FOXN2: variants seen among roughly 807,000 people sequenced by gnomAD.
The protein encoded by FOXN2 is forkhead box N2, also known as forkhead box protein N2.
In FOXN2, 19 loss-of-function variants were observed where a neutral mutation model predicts 41.2. That is an observed-to-expected ratio of 0.46 (90% CI 0.32 to 0.68). FOXN2 has a LOEUF of 0.68. Among genes scored for constraint, FOXN2 ranks in the 30% least tolerant of loss-of-function variants. FOXN2 has a pLI of 0.03. For synonymous variants in FOXN2, 195 were observed against 176.8 expected (o/e 1.10, Z -0.82); for missense variants, 587 against 509.4 (o/e 1.15, Z -1.47).
rs557245749 is a variant in FOXN2 at position 48,344,144 on chromosome 2, T to C, written c.-14-2057T>C. Among the ~76,000 whole-genome samples the C allele has an allele frequency of 2.0e-5, 3 of 152,296 alleles. No individual in the cohort carries two copies. In the East Asian group the frequency reaches 5.8e-4, roughly 29 times the overall value. ...TATGAATAGAGAGACTTTGATAAAA[T>C]GAATAATTTGGTCACTTACATAGTA... On this transcript the variant is annotated intron_variant, in intron 2 of 6. Transcript: ENST00000340553.
chr2:48,327,326 G>C (rs1669742300), intron 1 of FOXN2, among the ~76,000 whole-genome samples: 1 of 152,084 alleles, frequency 6.6e-6, no homozygotes, highest in Admixed American at 6.5e-5. Context: ...GTGACCACTA[G>C]ACTACTTAGC....
intron 4 of FOXN2, among the ~76,000 whole-genome samples, chr2:48,360,389 T>C (rs1672093671): frequency 6.6e-6 from 1 of 152,216 alleles, no homozygotes; most frequent in Admixed American, 6.5e-5. Context: ...GAGAAAGTTA[T>C]AATGAACTCC....
intron 3 of FOXN2, among the ~76,000 whole-genome samples, chr2:48,350,039 C>A (rs945355636): frequency 2.0e-5 from 3 of 152,186 alleles, no homozygotes; most frequent in African/African-American, 4.8e-5. Context: ...TGCAGGCAGG[C>A]CAGGAAGCCT....
intron 3 of FOXN2, among the ~76,000 whole-genome samples, chr2:48,353,059 C>G (rs1199634082): frequency 6.6e-6 from 1 of 152,102 alleles, no homozygotes; most frequent in Non-Finnish European, 1.5e-5. Context: ...GTTCCTAGAT[C>G]CAGATAGATG....
intron 3 of FOXN2, among the ~76,000 whole-genome samples, chr2:48,356,470 A>T (rs1268601558): frequency 6.6e-6 from 1 of 152,132 alleles, no homozygotes; most frequent in African/African-American, 2.4e-5. Flanking sequence ...CAAGTCTTGT[A>T]TGTACTTTTC....
At chr2:48,315,565 C>A (rs1216258789) in intron 1 of FOXN2, among the ~76,000 whole-genome samples, 1 of 152,202 alleles carries the variant, frequency 6.6e-6, no homozygotes, top group African/African-American at 2.4e-5. Context: ...AGTCCTCTTT[C>A]CTGGCAAGGT....
chr2:48,362,027 A>C (rs6545036), intron 4 of FOXN2, among the ~76,000 whole-genome samples: 66,084 of 151,792 alleles, frequency 0.44, 14,426 homozygotes, highest in East Asian at 0.47. Flanking sequence ...ATGCATTATT[A>C]TTATTTAATT....
chr2:48,329,399 A>G (rs1669887342), intron 2 of FOXN2, among the ~76,000 whole-genome samples: 2 of 152,054 alleles, frequency 1.3e-5, no homozygotes. Context: ...TGCTTTTAGT[A>G]TGAGTTGGAG....
chr2:48,369,354 A>G (rs2104515149), intron 5 of FOXN2, among the ~76,000 whole-genome samples: 1 of 152,260 alleles, frequency 6.6e-6, no homozygotes, highest in Non-Finnish European at 1.5e-5. Flanking sequence ...CCTGACCAAC[A>G]TGATGAAACC....
At chr2:48,324,043 A>T (rs1014574880) in intron 1 of FOXN2, among the ~76,000 whole-genome samples, 1 of 152,168 alleles carries the variant, frequency 6.6e-6, no homozygotes, top group Non-Finnish European at 1.5e-5. Context: ...ATAATATTTT[A>T]AAAATTTTCT....
chr2:48,327,856 C>G (rs1297670426), intron 1 of FOXN2, among the ~76,000 whole-genome samples: 1 of 152,126 alleles, frequency 6.6e-6, no homozygotes, highest in Non-Finnish European at 1.5e-5. Flanking sequence ...CAACTTAATT[C>G]TGTTAATTGT....
intron 2 of FOXN2, among the ~76,000 whole-genome samples, chr2:48,334,795 T>G (rs1054805131): frequency 1.3e-5 from 2 of 152,218 alleles, no homozygotes. Flanking sequence ...GGAGCCCCAT[T>G]GTACTGTACC....
chr2:48,314,238 G>T (rs1477174149), upstream of FOXN2, among the ~76,000 whole-genome samples: 1 of 152,258 alleles, frequency 6.6e-6, no homozygotes, highest in East Asian at 1.9e-4. Flanking sequence ...ACTGCCCTGC[G>T]GCAGCCTAGC....
intron 3 of FOXN2, among the ~76,000 whole-genome samples, chr2:48,352,559 T>C (rs1338333561): frequency 6.6e-6 from 1 of 152,228 alleles, no homozygotes; most frequent in African/African-American, 2.4e-5. Context: ...TCTTATGACT[T>C]CTAGATCTTT....
In FOXN2 at chr2:48,346,677, G is replaced by A; in HGVS notation, c.463G>A (p.Gly155Ser). 3.1e-6 allele frequency: 5 copies of A among 1,613,004 alleles called. No homozygotes were observed. Among genetic ancestry groups the A allele is most frequent in the Non-Finnish European group, 3.4e-6 (4 of 1,179,724 alleles). ...HFPYFATAPT[G>S]WKNSVRHNLS... ...TCCATATTTTGCTACTGCACCAACA[G>A]GCTGGAAGAATTCTGTTCGACATAA... is the stretch of plus-strand genomic sequence containing the variant. The change falls in exon 3 of 7, where the codon GGC (glycine) becomes AGC (serine). Residue 155 changes from glycine (G) to serine (S), a missense_variant. Physicochemically the swap from Gly to Ser is moderately conservative, Grantham distance 56. Coordinates refer to ENST00000340553, the MANE Select transcript of FOXN2 (RefSeq NM_002158.4).
intron 2 of FOXN2, among the ~76,000 whole-genome samples, chr2:48,334,916 TACC>T (rs752804546): frequency 4.6e-5 from 7 of 152,220 alleles, no homozygotes; most frequent in Non-Finnish European, 7.3e-5. Flanking sequence ...GAAAATGTGC[TACC>T]ACAAACCAGC....
intron 2 of FOXN2, among the ~76,000 whole-genome samples, chr2:48,332,457 G>A (rs942447547): frequency 2.0e-5 from 3 of 152,232 alleles, no homozygotes; most frequent in African/African-American, 4.8e-5. Context: ...AGTGAAAGTC[G>A]AATCGTAAAG....
chr2:48,323,643 T>C (rs929174738), intron 1 of FOXN2, among the ~76,000 whole-genome samples: 1 of 152,170 alleles, frequency 6.6e-6, no homozygotes, highest in Non-Finnish European at 1.5e-5. Context: ...TTGTCACATG[T>C]ATAGTTTGCA....
chr2:48,365,372 G>A (rs1672465842), intron 5 of FOXN2, among the ~76,000 whole-genome samples: 1 of 152,118 alleles, frequency 6.6e-6, no homozygotes, highest in Non-Finnish European at 1.5e-5. Flanking sequence ...TTACATTTAG[G>A]TATTGCCAAA....
Sources: allele counts gnomAD v4.1 joint callset (sites outside exome capture counted in the v4.1 genomes callset), GRCh38; gene constraint gnomAD v4.1.1; transcripts MANE v1.5; gene names NCBI Gene and HGNC (gene_info 2026-07-23, HGNC 2026-07-21).